NINL: variants seen among roughly 807,000 people sequenced by gnomAD.
The protein encoded by NINL is ninein-like protein.
A neutral mutation model predicts 160.3 loss-of-function variants in NINL; 153 were observed. That is an observed-to-expected ratio of 0.95 (90% CI 0.84 to 1.09). The LOEUF (loss-of-function observed/expected upper bound fraction) is 1.09. NINL is among the 50% of genes least tolerant of loss of function. The pLI is 0.00. For synonymous variants in NINL, 800 were observed against 734.8 expected (o/e 1.09, Z -1.43); for missense variants, 1,829 against 1,764.0 (o/e 1.04, Z -0.66).
intron 16 of NINL, among the ~76,000 whole-genome samples, chr20:25,477,859 T>C (rs1180439822): frequency 6.6e-6 from 1 of 151,734 alleles, no homozygotes; most frequent in Non-Finnish European, 1.5e-5. Context: ...CCCAATCTCT[T>C]ACCACACGCT....
chr20:25,550,849 C>A (rs1272134728), intron 1 of NINL, among the ~76,000 whole-genome samples: 8 of 152,200 alleles, frequency 5.3e-5, no homozygotes, highest in African/African-American at 1.9e-4. Flanking sequence ...AGATGCCTTC[C>A]TCTTATCTCA....
rs1426619176 is a variant in NINL, at chr20:25,482,108, G to A, written c.1678-8C>T. On this transcript the variant is annotated splice_region_variant and splice_polypyrimidine_tract_variant and intron_variant, in intron 13 of 23. Transcript: ENST00000278886. ...GTTGCGGTCCTGCAGGTCCTGTGGGGACAGAGCCAGCCACCTCCTCTAGCA... is the reference window on the plus strand; with the variant it reads ...GTTGCGGTCCTGCAGGTCCTGTGGGAACAGAGCCAGCCACCTCCTCTAGCA... 1 of 1,592,446 alleles carries A rather than the reference G, an allele frequency of 6.3e-7. No homozygotes were observed. The highest frequency in any genetic ancestry group is 1.7e-5 in the Admixed American group (1 of 59,812).
At chr20:25,494,647 AC>A (rs1424481271) in intron 10 of NINL, among the ~76,000 whole-genome samples, 1 of 152,262 alleles carries the variant, frequency 6.6e-6, no homozygotes, top group South Asian at 2.1e-4. Flanking sequence ...TGTCCCAGCC[AC>A]CCCCTATGGA....
chr20:25,496,563 A>T, intron 10 of NINL, 100 bp downstream of exon 10: 1 of 1,443,684 alleles, frequency 6.9e-7, no homozygotes, highest in South Asian at 1.3e-5. Flanking sequence ...ACTGAGCCAC[A>T]CCCGCAGCTC....
rs1350356062 is a variant in NINL, at chr20:25,504,118, G to A, written c.709-14C>T. 40 of 1,551,276 alleles carry A rather than the reference G, an allele frequency of 2.6e-5. No homozygotes were observed. The highest frequency in any genetic ancestry group is 4.5e-5 in the East Asian group (2 of 44,044). On this transcript the variant is annotated splice_polypyrimidine_tract_variant and intron_variant, in intron 6 of 23. Transcript: ENST00000278886. ...GTCTTCGAGTTCCTAAACAAAAGCC[G>A]TCATATCTCAGGCCCACCCACAAGA...
intron 1 of NINL, among the ~76,000 whole-genome samples, chr20:25,581,367 G>A (rs1266108091): frequency 3.9e-5 from 6 of 152,010 alleles, no homozygotes; most frequent in South Asian, 2.1e-4. Flanking sequence ...GCTTGAACCC[G>A]GGAGGCAGAG....
intron 1 of NINL, among the ~76,000 whole-genome samples, chr20:25,532,454 C>A (rs2064482005): frequency 6.6e-6 from 1 of 152,232 alleles, no homozygotes; most frequent in Non-Finnish European, 1.5e-5. Flanking sequence ...GGGGAGCCCA[C>A]CCATCTGACC....
At chr20:25,572,104 G>A (rs1238930677) in intron 1 of NINL, among the ~76,000 whole-genome samples, 2 of 152,074 alleles carry the variant, frequency 1.3e-5, no homozygotes, top group African/African-American at 2.4e-5. Context: ...AGGAGGACAT[G>A]AGGACAGACC....
At chr20:25,484,525 C>T (rs1191623759) in intron 13 of NINL, among the ~76,000 whole-genome samples, 5 of 152,182 alleles carry the variant, frequency 3.3e-5, no homozygotes, top group Admixed American at 1.3e-4. Context: ...GGGCATGCCG[C>T]GGCACAGCAA....
chr20:25,491,364 G>T lies in NINL; in HGVS notation c.1472C>A (p.Thr491Asn). 5.6e-6 allele frequency: 9 copies of T among 1,608,842 alleles called. No individual in the cohort carries two copies. The highest frequency in any genetic ancestry group is 7.6e-6 in the Non-Finnish European group (9 of 1,179,296). ...GGATGCCCCTACCTTCAGGGCCAGG[G>T]TCAGCTTCTCGCGGAGGCCAGCCTC... ...AEEAGLREKL[T>N]LALKENSRLQ... Residue 491 changes from threonine to asparagine, a missense_variant, in exon 11 of 24, where the codon ACC (threonine) becomes AAC (asparagine). Physicochemically the swap from Thr to Asn is moderately conservative, Grantham distance 65 (BLOSUM62 0). Coordinates refer to ENST00000278886, the MANE Select transcript of NINL (RefSeq NM_025176.6).
At chr20:25,550,658 G>A (rs1238011781) in intron 1 of NINL, among the ~76,000 whole-genome samples, 1 of 152,192 alleles carries the variant, frequency 6.6e-6, no homozygotes, top group East Asian at 1.9e-4. Context: ...GCTGTGCCTG[G>A]ATGTGCACAT....
At chr20:25,496,577 C>A in intron 10 of NINL, 86 bp downstream of exon 10, 1 of 1,523,892 alleles carries the variant, frequency 6.6e-7, no homozygotes, top group Admixed American at 1.9e-5. Flanking sequence ...GCAGCTCTGG[C>A]CCCTGGCAGC....
At chr20:25,520,560 T>C (rs567567822) in intron 2 of NINL, among the ~76,000 whole-genome samples, 1 of 152,378 alleles carries the variant, frequency 6.6e-6, no homozygotes, top group Non-Finnish European at 1.5e-5. Flanking sequence ...AACAAATATT[T>C]ATTGGGTGTC....
At chr20:25,550,179 G>A (rs769886988) in intron 1 of NINL, among the ~76,000 whole-genome samples, 7 of 152,190 alleles carry the variant, frequency 4.6e-5, no homozygotes, top group South Asian at 2.1e-4. Context: ...CCAGGAGTTC[G>A]GGAACAGCCT....
At position 25,476,532 on chromosome 20, in the gene NINL, G is replaced by A; in HGVS notation, c.2759C>T (p.Pro920Leu). 4 of 1,600,696 alleles carry A rather than the reference G, an allele frequency of 2.5e-6. No individual in the cohort carries two copies. The highest frequency in any genetic ancestry group is 3.4e-6 in the Non-Finnish European group (4 of 1,179,818). Reference protein sequence around the residue: ...QPCGVDGDIVPKEPEPFGASA... With the variant: ...QPCGVDGDIVLKEPEPFGASA... ...CGCGCCGAAAGGCTCTGGCTCCTTT[G>A]GGACAATATCCCCATCCACTCCACA... Residue 920 changes from proline to leucine, a missense_variant, in exon 17 of 24, where the codon CCA becomes CTA. Coordinates refer to ENST00000278886, the MANE Select transcript of NINL (RefSeq NM_025176.6).
chr20:25,492,023 T>C (rs1037377931), intron 10 of NINL, among the ~76,000 whole-genome samples: 1 of 152,200 alleles, frequency 6.6e-6, no homozygotes, highest in Non-Finnish European at 1.5e-5. Context: ...ACTGTTTCCA[T>C]TAGCAGGAAA....
intron 1 of NINL, among the ~76,000 whole-genome samples, chr20:25,545,727 C>CT (rs2064723399): frequency 6.6e-6 from 1 of 152,178 alleles, no homozygotes; most frequent in African/African-American, 2.4e-5. Context: ...ATAGCAAGCC[C>CT]TGGAAGTACT....
chr20:25,505,611 G>A (rs191475013), intron 5 of NINL, among the ~76,000 whole-genome samples: 117 of 152,274 alleles, frequency 7.7e-4, no homozygotes, highest in African/African-American at 2.8e-3. Flanking sequence ...CCTCAATAAG[G>A]CTGGGGAGAA....
At position 25,455,675 on chromosome 20, in the gene NINL, G is replaced by C; in HGVS notation, c.3955C>G (p.Gln1319Glu). 6.2e-7 allele frequency: 1 copy of C among 1,611,068 alleles called. No homozygotes were observed. Among genetic ancestry groups the C allele is most frequent in the Non-Finnish European group, 8.5e-7 (1 of 1,177,230 alleles). Residue 1319 changes from glutamine (Q) to glutamate (E), a missense_variant and splice_region_variant, in exon 23 of 24, where the codon CAG (glutamine) becomes GAG (glutamate). Transcript: ENST00000278886. ...AAGCAGCAGCGCCCATCACTCACCT[G>C]CTCCTTCAGCTTATCCACTTTCTCT... ...LQEKVDKLKEQFEKNTKSDLL... is the reference protein window; with the variant it reads ...LQEKVDKLKEEFEKNTKSDLL...
Sources: allele counts gnomAD v4.1 joint callset (sites outside exome capture counted in the v4.1 genomes callset), GRCh38; gene constraint gnomAD v4.1.1; transcripts MANE v1.5; gene names NCBI Gene and HGNC (gene_info 2026-07-23, HGNC 2026-07-21).